Variants in HKDC1 observed in about 807,000 individuals in gnomAD.
The protein encoded by HKDC1 is hexokinase domain containing 1.
Under a neutral mutation model 96.6 loss-of-function variants are expected in HKDC1, and 66 were observed. The ratio of observed to expected loss-of-function variants is 0.68; its 90% CI spans 0.56 to 0.84. The LOEUF (loss-of-function observed/expected upper bound fraction) is 0.84, where lower values mean the gene tolerates loss of function less well. Ranked by LOEUF, HKDC1 falls within the 40% of genes least tolerant of loss-of-function variation. The pLI, the probability that HKDC1 is intolerant of heterozygous loss-of-function variation, is 0.00. For missense variants in HKDC1, 1,211 were observed against 1,208.1 expected, an observed-to-expected ratio of 1.00 and a Z score of -0.04; for synonymous variants, 466 against 473.1, an observed-to-expected ratio of 0.98 and a Z score of 0.20.
intron 1 of HKDC1, among the ~76,000 whole-genome samples, chr10:69,225,043 G>A (rs552434170): frequency 1.9e-4 from 29 of 152,268 alleles, no homozygotes; most frequent in African/African-American, 6.7e-4. Flanking sequence ...AGATCAAAAG[G>A]AAACTGTTGC....
At chr10:69,228,028 C>CAA (rs1196565579) in intron 2 of HKDC1, among the ~76,000 whole-genome samples, 2 of 152,188 alleles carry the variant, frequency 1.3e-5, no homozygotes, top group African/African-American at 4.8e-5. Context: ...TTACTACAAT[C>CAA]ACAGTGGCTG....
chr10:69,257,535 C>T, intron 14 of HKDC1, 109 bp downstream of exon 14: 1 of 887,450 alleles, frequency 1.1e-6, no homozygotes, highest in Non-Finnish European at 1.9e-6. Flanking sequence ...AGGCTCTGCC[C>T]AAGGCAGAGA....
chr10:69,224,913 T>C (rs971240271), intron 1 of HKDC1, among the ~76,000 whole-genome samples: 1 of 152,222 alleles, frequency 6.6e-6, no homozygotes, highest in African/African-American at 2.4e-5. Flanking sequence ...CTGGGACGTG[T>C]GTCCCTGGTT....
chr10:69,256,059 G>A (rs61403207), intron 12 of HKDC1, among the ~76,000 whole-genome samples: 3,280 of 152,198 alleles, frequency 0.022, 114 homozygotes, highest in African/African-American at 0.075. Context: ...CCCAGAGAGA[G>A]CCACTGTTAA....
At position 69,250,630 on chromosome 10, in the gene HKDC1, G is replaced by T. The variant is rs902495899; in HGVS notation, c.1814G>T (p.Cys605Phe). 1 of 1,613,864 alleles carries T rather than the reference G, an allele frequency of 6.2e-7. No individual in the cohort carries two copies. The change falls in exon 12 of 18, where the codon TGC (cysteine) becomes TTC (phenylalanine). Residue 605 changes from cysteine to phenylalanine, a missense_variant. Cys to Phe is a radical substitution (Grantham distance 205, BLOSUM62 -2). Transcript: ENST00000354624. ...TTGGGCTTCACATTCTCATTTCCCTGCAGGCAGATGAGCATTGACAAGGTA... is the reference window on the plus strand; with the variant it reads ...TTGGGCTTCACATTCTCATTTCCCTTCAGGCAGATGAGCATTGACAAGGTA... ...LPLGFTFSFP[C>F]RQMSIDKGTL...
intron 12 of HKDC1, among the ~76,000 whole-genome samples, 174 bp downstream of exon 12, chr10:69,250,826 A>G (rs1843630452): frequency 6.6e-6 from 1 of 152,166 alleles, no homozygotes; most frequent in South Asian, 2.1e-4. Flanking sequence ...ATTTATCACG[A>G]TTTTTTAGAC....
chr10:69,225,443 G>T (rs1843140769), intron 1 of HKDC1, among the ~76,000 whole-genome samples: 1 of 152,154 alleles, frequency 6.6e-6, no homozygotes, highest in African/African-American at 2.4e-5. Flanking sequence ...CCTTAATGAA[G>T]CCTGACCTGG....
intron 4 of HKDC1, among the ~76,000 whole-genome samples, chr10:69,236,500 G>T (rs1373426627): frequency 6.6e-6 from 1 of 151,570 alleles, no homozygotes; most frequent in Non-Finnish European, 1.5e-5. Flanking sequence ...TCAAGGAGAG[G>T]CCGGGCACAG....
intron 1 of HKDC1, among the ~76,000 whole-genome samples, chr10:69,225,183 G>A (rs1843134880): frequency 6.6e-6 from 1 of 152,162 alleles, no homozygotes; most frequent in African/African-American, 2.4e-5. Context: ...GACTTACATG[G>A]CAGGGATAAC....
Position 69,266,875 on chromosome 10 carries a change from A to G in HKDC1, c.*118A>G. 2 of 979,132 alleles carry G rather than the reference A, an allele frequency of 2.0e-6. No homozygotes were observed. The highest frequency in any genetic ancestry group is 5.0e-5 in the East Asian group (2 of 40,300). 60.7% of individuals were successfully genotyped at this position (979,132 alleles called of 1,614,324 possible). On this transcript the variant is annotated 3_prime_UTR_variant, in exon 18 of 18. Transcript: ENST00000354624. ...GCTGACCTCACCTTCTGGATGGCCG[A>G]AAGAGAACCCCAGGTTCTCGGGTAC... is the stretch of plus-strand genomic sequence containing the variant.
chr10:69,229,063 C>T (rs2132334872), intron 2 of HKDC1, among the ~76,000 whole-genome samples: 1 of 152,336 alleles, frequency 6.6e-6, no homozygotes, highest in East Asian at 1.9e-4. Context: ...CTCGCTGAGC[C>T]ACATATTTCC....
rs192406565 is a variant in HKDC1, at chr10:69,248,887, C to T, written c.1570+159C>T. ...TAGTATTCTTTCTAAATCTGTTGGC[C>T]TTTGTTAACCCAAGGCATTTGCAGT... On this transcript the variant is annotated intron_variant, in intron 10 of 17. Coordinates refer to ENST00000354624, the MANE Select transcript of HKDC1 (RefSeq NM_025130.4). The T allele has an allele frequency of 4.4e-6, 3 of 687,866 alleles. No individual in the cohort carries two copies. The East Asian group carries it at 8.4e-5, about 19-fold the overall frequency. The allele number at this position is 687,866 out of a possible 1,614,324, so 42.6% of individuals were successfully genotyped here.
chr10:69,255,240 C>T (rs993274912), intron 12 of HKDC1, among the ~76,000 whole-genome samples: 4 of 152,198 alleles, frequency 2.6e-5, no homozygotes, highest in African/African-American at 7.2e-5. Flanking sequence ...AAAAGAGAGA[C>T]GTCAAAAAAT....
At position 69,248,467 on chromosome 10, in the gene HKDC1, A is replaced by C; in HGVS notation, c.1309A>C (p.Ser437Arg). ...LHKVVRKLVP[S>R]CDVRFLLSES... ...CAAGGTGGTGAGGAAACTGGTCCCA[A>C]GCTGTGATGTCCGCTTCCTCCTGTC... The change falls in exon 10 of 18, where the codon AGC becomes CGC. Residue 437 changes from serine (S) to arginine (R), a missense_variant. Transcript: ENST00000354624. The C allele has an allele frequency of 6.3e-7, 1 of 1,598,826 alleles. No homozygotes were observed. Among genetic ancestry groups the C allele is most frequent in the Non-Finnish European group, 8.6e-7 (1 of 1,169,550 alleles).
chr10:69,248,652 G>T lies in HKDC1; in HGVS notation c.1494G>T (p.Gly498=). The change falls in exon 10 of 18, where the codon GGG becomes GGT. Residue 498 remains glycine, a synonymous_variant. Coordinates refer to ENST00000354624, the MANE Select transcript of HKDC1 (RefSeq NM_025130.4). The part of the protein sequence containing the change: ...QAKMRAELEY[G]LKKKSHGLAT... ...AGATGCGGGCTGAGCTGGAGTATGG[G>T]CTGAAGAAGAAGAGCCACGGGCTGG... 6.2e-7 allele frequency: 1 copy of T among 1,614,186 alleles called. No homozygotes were observed.
rs751771708 is a variant in HKDC1, at chr10:69,250,521, C to G, written c.1717-12C>G. ...CCGCCTGGTGTGAATGCCGCTCTCT[C>G]TCTCTCTGCAGCTCTTTGATCACAT... On this transcript the variant is annotated splice_polypyrimidine_tract_variant and intron_variant, in intron 11 of 17. Coordinates refer to ENST00000354624, the MANE Select transcript of HKDC1 (RefSeq NM_025130.4). 69 of 1,613,954 alleles carry G rather than the reference C, an allele frequency of 4.3e-5. No individual in the cohort carries two copies. The Admixed American group carries it at 8.7e-4, about 20-fold the overall frequency.
chr10:69,265,919 C>T, intron 17 of HKDC1, 101 bp downstream of exon 17: 1 of 821,296 alleles, frequency 1.2e-6, no homozygotes, highest in African/African-American at 1.7e-5. Context: ...GAAGATGCAT[C>T]CCCGTCCTTT....
In HKDC1 at chr10:69,257,320, T is replaced by G; in HGVS notation, c.1933-7T>G. The G allele has an allele frequency of 6.2e-7, 1 of 1,611,194 alleles. No homozygotes were observed. The highest frequency in any genetic ancestry group is 8.5e-7 in the Non-Finnish European group (1 of 1,177,352). On this transcript the variant is annotated splice_region_variant and splice_polypyrimidine_tract_variant and intron_variant, in intron 13 of 17. Coordinates refer to ENST00000354624, the MANE Select transcript of HKDC1 (RefSeq NM_025130.4). Reference sequence around the variant, plus strand: ...TGGGTTTTTTTTGTTTTTGTTTTTGTTTTTAGGAGTTTGACCTGGACATTG... The same window carrying G: ...TGGGTTTTTTTTGTTTTTGTTTTTGGTTTTAGGAGTTTGACCTGGACATTG...
chr10:69,241,074 C>CA (rs1843450049), intron 6 of HKDC1, among the ~76,000 whole-genome samples: 1 of 151,770 alleles, frequency 6.6e-6, no homozygotes, highest in Admixed American at 6.6e-5. Context: ...GATAAAAAAA[C>CA]AAAAAACAAA....
Sources: allele counts gnomAD v4.1 joint callset (sites outside exome capture counted in the v4.1 genomes callset), GRCh38; gene constraint gnomAD v4.1.1; transcripts MANE v1.5; gene names NCBI Gene and HGNC (gene_info 2026-07-23, HGNC 2026-07-21).